The following SLC8A1 variants were observed in gnomAD, a reference collection of about 807,000 sequenced individuals.
SLC8A1 encodes sodium/calcium exchanger 1.
SLC8A1 carries 18 observed loss-of-function variants against 68.3 expected under a neutral mutation model. That is an observed-to-expected ratio of 0.26 (90% CI 0.18 to 0.39). SLC8A1 has a LOEUF of 0.39. Among genes scored for constraint, SLC8A1 ranks in the 10% least tolerant of loss-of-function variants. SLC8A1 has a pLI of 1.00. For missense variants in SLC8A1, 985 were observed against 1,156.7 expected (o/e 0.85, Z 2.15); for synonymous variants, 475 against 415.5 (o/e 1.14, Z -1.74).
At chr2:40,240,661 A>G (rs910376213) in intron 2 of SLC8A1, among the ~76,000 whole-genome samples, 5 of 152,216 alleles carry the variant, frequency 3.3e-5, no homozygotes, top group Admixed American at 3.3e-4. Context: ...TACTACTAGA[A>G]TAATTCATTC....
intron 2 of SLC8A1, among the ~76,000 whole-genome samples, chr2:40,424,175 T>G (rs935642815): frequency 2.0e-5 from 3 of 151,910 alleles, no homozygotes; most frequent in African/African-American, 4.8e-5. Context: ...TTGTGATATT[T>G]TTTCTAATAT....
rs960871666 is a variant in SLC8A1 at position 40,415,940 on chromosome 2, T to C, written c.1808+12533A>G. On this transcript the variant is annotated intron_variant, in intron 2 of 7. Coordinates refer to ENST00000406785, the Ensembl canonical transcript of SLC8A1. ...AGCTGGGCGTGGTGGCAGGTGTCTA[T>C]AATCCCAGCTACTTAGGAGGCTGAG... is the stretch of plus-strand genomic sequence containing the variant. Among the ~76,000 whole-genome samples the C allele has an allele frequency of 1.0e-4, 15 of 148,686 alleles. No individual in the cohort carries two copies. The Admixed American group carries it at 1.0e-3, about 10-fold the overall frequency.
chr2:40,326,618 G>T (rs2075853936), intron 2 of SLC8A1, among the ~76,000 whole-genome samples: 1 of 152,226 alleles, frequency 6.6e-6, no homozygotes, highest in South Asian at 2.1e-4. Flanking sequence ...ACTGCCAAGA[G>T]TTAAAGGAAA....
chr2:40,129,177 G>A (rs1427476464), intron 7 of SLC8A1, among the ~76,000 whole-genome samples: 1 of 151,724 alleles, frequency 6.6e-6, no homozygotes, highest in African/African-American at 2.4e-5. Context: ...GATGCAGACT[G>A]AGACAGCATT....
At chr2:40,423,640 A>G (rs984542759) in intron 2 of SLC8A1, among the ~76,000 whole-genome samples, 1 of 152,064 alleles carries the variant, frequency 6.6e-6, no homozygotes, top group East Asian at 1.9e-4. Context: ...ATTCCTTTAC[A>G]TAATGATATT....
intron 1 of SLC8A1, among the ~76,000 whole-genome samples, chr2:40,442,521 C>T (rs1254876009): frequency 6.6e-6 from 1 of 151,916 alleles, no homozygotes. Context: ...CATCACTGAT[C>T]ATTAGAGAAA....
intron 5 of SLC8A1, 67 bp downstream of exon 8, chr2:40,164,787 C>T: frequency 3.2e-6 from 5 of 1,584,408 alleles, no homozygotes; most frequent in Non-Finnish European, 4.3e-6. Flanking sequence ...AAGCTTTGGC[C>T]AACCCTATGA....
At chr2:40,471,734 G>T (rs1703999837) in intron 1 of SLC8A1, among the ~76,000 whole-genome samples, 1 of 152,140 alleles carries the variant, frequency 6.6e-6, no homozygotes, top group Non-Finnish European at 1.5e-5. Flanking sequence ...TAATGCAATT[G>T]CAATAAATGG....
upstream of SLC8A1, chr2:40,452,199 C>A (rs1179947554): frequency 6.8e-6 from 1 of 147,846 alleles, no homozygotes; most frequent in African/African-American, 2.4e-5. Flanking sequence ...CACACTCGCC[C>A]GCCCGCCGCC....
At chr2:40,379,632 T>G (rs1406628537) in intron 2 of SLC8A1, among the ~76,000 whole-genome samples, 1 of 150,820 alleles carries the variant, frequency 6.6e-6, no homozygotes, top group Non-Finnish European at 1.5e-5. Context: ...TCCATAGCCT[T>G]CATGATTTTG....
At chr2:40,394,813 T>G (rs1278747892) in intron 2 of SLC8A1, among the ~76,000 whole-genome samples, 2 of 152,072 alleles carry the variant, frequency 1.3e-5, no homozygotes, top group African/African-American at 4.8e-5. Context: ...TCATGCTAGC[T>G]TGGGGAAGTT....
intron 6 of SLC8A1, among the ~76,000 whole-genome samples, chr2:40,151,585 A>G (rs1278366435): frequency 6.7e-6 from 1 of 150,342 alleles, no homozygotes; most frequent in Non-Finnish European, 1.5e-5. Context: ...ATTTTAAGAC[A>G]AAAATAGGAC....
At chr2:40,242,544 C>A (rs998404482) in intron 2 of SLC8A1, among the ~76,000 whole-genome samples, 1 of 152,178 alleles carries the variant, frequency 6.6e-6, no homozygotes, top group African/African-American at 2.4e-5. Flanking sequence ...CAACTCGACT[C>A]TCCCTTTGTG....
At chr2:40,260,068 A>G (rs1290659314) in intron 2 of SLC8A1, among the ~76,000 whole-genome samples, 1 of 152,250 alleles carries the variant, frequency 6.6e-6, no homozygotes, top group East Asian at 1.9e-4. Flanking sequence ...CTTTAAATAT[A>G]TTGCAACCTA....
intron 2 of SLC8A1, among the ~76,000 whole-genome samples, chr2:40,323,654 C>A (rs1023261598): frequency 3.3e-5 from 5 of 152,030 alleles, no homozygotes; most frequent in Non-Finnish European, 7.4e-5. Flanking sequence ...ACAGCTGCAA[C>A]TCAATGATTA....
exon 1 of SLC8A1, chr2:40,512,378 A>G (rs1706801379): frequency 6.6e-6 from 1 of 152,312 alleles, no homozygotes; most frequent in Admixed American, 6.6e-5. Flanking sequence ...CTCAGTCCGC[A>G]TGGGCTGGAT....
chr2:40,382,789 A>C (rs1682306747), intron 2 of SLC8A1, among the ~76,000 whole-genome samples: 1 of 152,136 alleles, frequency 6.6e-6, no homozygotes, highest in African/African-American at 2.4e-5. Flanking sequence ...GTAAATGTAC[A>C]TTTATATGTT....
chr2:40,402,664 T>C (rs1381884040), intron 2 of SLC8A1, among the ~76,000 whole-genome samples: 3 of 152,178 alleles, frequency 2.0e-5, no homozygotes, highest in Non-Finnish European at 2.9e-5. Flanking sequence ...AATCGCCACA[T>C]TTTCCCTAAT....
intron 2 of SLC8A1, among the ~76,000 whole-genome samples, chr2:40,316,337 A>G (rs1053956419): frequency 2.0e-5 from 3 of 151,952 alleles, no homozygotes; most frequent in Non-Finnish European, 2.9e-5. Context: ...AACTTTTACT[A>G]CCTCCAAAAA....
Sources: allele counts gnomAD v4.1 joint callset (sites outside exome capture counted in the v4.1 genomes callset), GRCh38; gene constraint gnomAD v4.1.1; transcripts MANE v1.5; gene names NCBI Gene and HGNC (gene_info 2026-07-23, HGNC 2026-07-21).